The following DNAH6 variants were observed in gnomAD, a reference collection of about 807,000 sequenced individuals.
DNAH6 encodes axonemal beta dynein heavy chain 6.
A neutral mutation model predicts 491.4 loss-of-function variants in DNAH6; 340 were observed. That is an observed-to-expected ratio of 0.69 (90% CI 0.63 to 0.76). The LOEUF is 0.76. DNAH6 is among the 30% of genes least tolerant of loss of function. DNAH6 has a pLI of 0.00. For synonymous variants in DNAH6, 1,603 were observed against 1,686.1 expected, an observed-to-expected ratio of 0.95 and a Z score of 1.21; for missense variants, 4,443 against 4,972.2, an observed-to-expected ratio of 0.89 and a Z score of 3.20.
chr2:84,515,758 G>A (rs1573469283), upstream of DNAH6, among the ~76,000 whole-genome samples: 1 of 152,164 alleles, frequency 6.6e-6, no homozygotes, highest in Admixed American at 6.5e-5. Flanking sequence ...TAAGCAACAG[G>A]CCCTGGCCTT....
chr2:84,743,106 G>A (rs1672665822), intron 62 of DNAH6, among the ~76,000 whole-genome samples: 1 of 152,152 alleles, frequency 6.6e-6, no homozygotes, highest in Non-Finnish European at 1.5e-5. Flanking sequence ...GAAACCCAGA[G>A]ATGGACAGTT....
chr2:84,485,056 A>G, the DNAH6 span, among the ~76,000 whole-genome samples: 2 of 152,220 alleles, frequency 1.3e-5, no homozygotes, highest in African/African-American at 4.8e-5. Flanking sequence ...AAGGCACAAG[A>G]AGCAGTTAAA....
At chr2:84,702,778 C>T (rs556455030) in intron 49 of DNAH6, among the ~76,000 whole-genome samples, 10 of 152,130 alleles carry the variant, frequency 6.6e-5, no homozygotes, top group South Asian at 2.1e-4. Flanking sequence ...CCTCGTGATC[C>T]GCCCACCTCA....
intron 63 of DNAH6, among the ~76,000 whole-genome samples, chr2:84,751,725 A>G (rs1462231569): frequency 6.6e-6 from 1 of 152,228 alleles, no homozygotes; most frequent in Non-Finnish European, 1.5e-5. Flanking sequence ...CAAAGCTAAG[A>G]CAAGTTCTCT....
chr2:84,571,278 G>A (rs968099779), intron 11 of DNAH6, among the ~76,000 whole-genome samples: 6 of 152,230 alleles, frequency 3.9e-5, no homozygotes, highest in East Asian at 1.9e-4. Context: ...ACTAAAATGC[G>A]TATGCAAAAG....
At chr2:84,488,645 T>C in the DNAH6 span, among the ~76,000 whole-genome samples, 7 of 152,166 alleles carry the variant, frequency 4.6e-5, no homozygotes, top group Non-Finnish European at 7.4e-5. Flanking sequence ...CTCCCTCTTA[T>C]GTAGACCCTT....
chr2:84,619,564 A>G, intron 23 of DNAH6, 121 bp from the exon 24 acceptor site: 1 of 835,942 alleles, frequency 1.2e-6, no homozygotes, highest in Non-Finnish European at 1.9e-6. Flanking sequence ...TGACCAGTAT[A>G]ATTGGAGGTC....
rs55662731 is a variant in DNAH6 at position 84,745,367 on chromosome 2, C to T, written c.10512+118C>T. ...CAATGGCCAAGTTTGGGAGATGACT[C>T]AAAAAAATGAAACATGGGCCGAGCG... On this transcript the variant is annotated intron_variant, in intron 63 of 76. Transcript: ENST00000389394. 0.12 allele frequency: 99,461 copies of T among 798,578 alleles called. 7,056 individuals carry two copies. The highest frequency in any genetic ancestry group is 0.16 in the Middle Eastern group (452 of 2,846). 49.5% of individuals were successfully genotyped at this position (798,578 alleles called of 1,614,324 possible). A position where few individuals can be genotyped will look rare whatever the true frequency, so the allele number is the denominator to read the frequency against.
At chr2:84,781,464 T>A in intron 64 of DNAH6, 29 bp from the exon 65 acceptor site, 1 of 1,523,866 alleles carries the variant, frequency 6.6e-7, no homozygotes, top group Non-Finnish European at 8.9e-7. Context: ...TAGCATAAGA[T>A]GATATTGTGT....
chr2:84,675,609 A>C (rs1442753286), intron 40 of DNAH6, among the ~76,000 whole-genome samples: 2 of 152,192 alleles, frequency 1.3e-5, no homozygotes, highest in Non-Finnish European at 2.9e-5. Context: ...GCATTGCCTC[A>C]ACATTATATC....
At chr2:84,613,142 AGAGTGT>A (rs1229196112) in intron 22 of DNAH6, among the ~76,000 whole-genome samples, 1 of 149,906 alleles carries the variant, frequency 6.7e-6, no homozygotes, top group Non-Finnish European at 1.5e-5. Flanking sequence ...AGAGAGAGAG[AGAGTGT>A]GTGTGTGTGT....
chr2:84,630,325 T>G (rs1184245137), intron 29 of DNAH6, among the ~76,000 whole-genome samples: 1 of 152,194 alleles, frequency 6.6e-6, no homozygotes, highest in Non-Finnish European at 1.5e-5. Context: ...CGATCACAAC[T>G]TTGACAATCA....
At chr2:84,524,147 T>C (rs568420663) in intron 2 of DNAH6, among the ~76,000 whole-genome samples, 1 of 152,200 alleles carries the variant, frequency 6.6e-6, no homozygotes, top group East Asian at 1.9e-4. Context: ...CATGCATATA[T>C]ATTTAGGATA....
intron 53 of DNAH6, 117 bp from the exon 54 acceptor site, chr2:84,707,403 A>G: frequency 3.1e-6 from 3 of 971,112 alleles, no homozygotes. Flanking sequence ...ATAGAGATGT[A>G]TTGACATCAT....
chr2:84,554,692 C>T (rs1679847692), intron 10 of DNAH6, among the ~76,000 whole-genome samples: 1 of 152,230 alleles, frequency 6.6e-6, no homozygotes, highest in Non-Finnish European at 1.5e-5. Flanking sequence ...AAGGCATTTA[C>T]AATGACAAGC....
At chr2:84,742,022 A>C (rs1023019808) in intron 62 of DNAH6, among the ~76,000 whole-genome samples, 17 of 152,010 alleles carry the variant, frequency 1.1e-4, no homozygotes, top group Non-Finnish European at 2.2e-4. Context: ...CTCCTTACTT[A>C]CTTCTGGTAC....
chr2:84,664,538 A>C (rs1201020885), intron 37 of DNAH6, among the ~76,000 whole-genome samples: 3 of 152,194 alleles, frequency 2.0e-5, no homozygotes, highest in South Asian at 2.1e-4. Context: ...TCAATTCAAC[A>C]AGAAGAGCTA....
At chr2:84,748,418 G>A (rs969333812) in intron 63 of DNAH6, among the ~76,000 whole-genome samples, 4 of 152,112 alleles carry the variant, frequency 2.6e-5, no homozygotes, top group African/African-American at 9.7e-5. Flanking sequence ...TCTTCCACCA[G>A]ATAACCTAGG....
At chr2:84,648,405 G>A (rs1213876960) in intron 33 of DNAH6, among the ~76,000 whole-genome samples, 1 of 152,328 alleles carries the variant, frequency 6.6e-6, no homozygotes, top group East Asian at 1.9e-4. Context: ...GCCATTGATA[G>A]TGATTTCTCT....
Sources: gnomAD v4.1 joint callset for allele counts (sites outside exome capture counted in the v4.1 genomes callset) on GRCh38, gnomAD v4.1.1 for gene constraint, MANE v1.5 for transcripts, NCBI Gene and HGNC (gene_info 2026-07-23, HGNC 2026-07-21) for gene names.